The following UBE3C variants were observed in gnomAD, a reference collection of about 807,000 sequenced individuals.
The protein encoded by UBE3C is ubiquitin protein ligase E3C, also known as ubiquitin-protein ligase E3C.
UBE3C carries 42 observed loss-of-function variants against 129.4 expected under a neutral mutation model. The ratio of observed to expected loss-of-function variants is 0.32; its 90% CI spans 0.25 to 0.42. UBE3C has a LOEUF of 0.42. Ranked by LOEUF, UBE3C falls within the 10% of genes least tolerant of loss-of-function variation. The probability of loss-of-function intolerance (pLI) is 1.00; values close to 1 mark genes in which losing one functional copy is unlikely to be tolerated. For synonymous variants in UBE3C, 510 were observed against 492.4 expected, an observed-to-expected ratio of 1.04 and a Z score of -0.47; for missense variants, 1,049 against 1,319.1, an observed-to-expected ratio of 0.80 and a Z score of 3.17.
chr7:157,233,027 C>G (rs1796062655), intron 18 of UBE3C, among the ~76,000 whole-genome samples: 2 of 152,050 alleles, frequency 1.3e-5, no homozygotes, highest in Non-Finnish European at 2.9e-5. Context: ...AAAGGAAACG[C>G]TAGGTAGTCA....
chr7:157,236,984 A>T (rs1796169353), intron 18 of UBE3C, among the ~76,000 whole-genome samples: 1 of 152,086 alleles, frequency 6.6e-6, no homozygotes, highest in Non-Finnish European at 1.5e-5. Context: ...TGCCCATCTC[A>T]GCCTTCCAAA....
chr7:157,219,500 T>G (rs1040032397), intron 14 of UBE3C, among the ~76,000 whole-genome samples: 23 of 152,200 alleles, frequency 1.5e-4, no homozygotes, highest in African/African-American at 5.3e-4. Context: ...ACTACAAAAT[T>G]ACAGGAAACA....
At chr7:157,184,946 GT>G (rs1808767359) in intron 9 of UBE3C, among the ~76,000 whole-genome samples, 1 of 152,174 alleles carries the variant, frequency 6.6e-6, no homozygotes, top group African/African-American at 2.4e-5. Context: ...GAGTGAAGCC[GT>G]TTTTATAGTG....
intron 22 of UBE3C, among the ~76,000 whole-genome samples, chr7:157,261,306 G>GAAA (rs57114090): frequency 3.3e-4 from 26 of 78,020 alleles, no homozygotes; most frequent in Non-Finnish European, 5.8e-4. Flanking sequence ...AACTCTGTCT[G>GAAA]AAAAAAAAAA....
rs574645222 is a variant in UBE3C at position 157,207,766 on chromosome 7, G to A, written c.1640G>A (p.Arg547Gln). 3.7e-6 allele frequency: 6 copies of A among 1,614,082 alleles called. No individual in the cohort carries two copies. The highest frequency in any genetic ancestry group is 2.7e-5 in the African/African-American group (2 of 75,002). The change falls in exon 13 of 23, where the codon CGA (arginine) becomes CAA (glutamine). Residue 547 changes from arginine (R) to glutamine (Q), a missense_variant. By Grantham distance (43) the Arg-to-Gln change is conservative (BLOSUM62 1). This residue lies in a region of UBE3C where 314 missense variants were observed against 416.9 expected (regional missense o/e 0.75). Coordinates refer to ENST00000348165, the MANE Select transcript of UBE3C (RefSeq NM_014671.3). ...TTAGAAGAGCTGATAATGTTGTCTC[G>A]ATGCCTTCGAGATGCATGCCTGGGG... ...FTLEELIMLS[R>Q]CLRDACLGII...
chr7:157,150,907 G>A (rs1807739238), intron 1 of UBE3C, among the ~76,000 whole-genome samples: 1 of 152,212 alleles, frequency 6.6e-6, no homozygotes, highest in Admixed American at 6.5e-5. Flanking sequence ...ATCTACTTCT[G>A]CGCTGGCCTG....
intron 5 of UBE3C, among the ~76,000 whole-genome samples, chr7:157,177,598 A>C (rs1336418812): frequency 6.6e-6 from 1 of 152,120 alleles, no homozygotes; most frequent in East Asian, 1.9e-4. Context: ...CTCCTCCTGC[A>C]CTCGTACACC....
intron 10 of UBE3C, among the ~76,000 whole-genome samples, chr7:157,200,845 G>A (rs1367807688): frequency 6.6e-6 from 1 of 152,004 alleles, no homozygotes; most frequent in Non-Finnish European, 1.5e-5. Context: ...CAAACTCCTA[G>A]GCTGAAGCAA....
chr7:157,220,570 CAG>C lies in UBE3C; in HGVS notation c.1915-112_1915-111del, dbSNP rs577842239. On this transcript the variant is annotated intron_variant, in intron 14 of 22. Coordinates refer to ENST00000348165, the MANE Select transcript of UBE3C (RefSeq NM_014671.3). Reference sequence around the variant, plus strand: ...AAAAGGGGACATGAAGGTATGAGGTCAGAGAGAGGGCCCAGCCCACGGTAGAG... The same window carrying C: ...AAAAGGGGACATGAAGGTATGAGGTCAGAGAGGGCCCAGCCCACGGTAGAG... The C allele has an allele frequency of 6.7e-4, 736 of 1,099,826 alleles. 7 individuals are homozygous for C. The African/African-American group carries it at 0.01, about 15-fold the overall frequency. The allele number at this position is 1,099,826 out of a possible 1,614,324, so 68.1% of individuals were successfully genotyped here.
At chr7:157,202,384 C>G (rs775729273) in intron 11 of UBE3C, among the ~76,000 whole-genome samples, 2 of 152,160 alleles carry the variant, frequency 1.3e-5, no homozygotes, top group Non-Finnish European at 2.9e-5. Context: ...CGGCCGGGCG[C>G]GGTGGCTCAC....
At chr7:157,173,173 A>G (rs1808424600) in intron 4 of UBE3C, among the ~76,000 whole-genome samples, 1 of 152,184 alleles carries the variant, frequency 6.6e-6, no homozygotes, top group Admixed American at 6.5e-5. Flanking sequence ...CAGGAGTTTG[A>G]GACCAGCCTG....
At chr7:157,249,896 C>T (rs1378619730) in intron 19 of UBE3C, among the ~76,000 whole-genome samples, 1 of 152,140 alleles carries the variant, frequency 6.6e-6, no homozygotes. Context: ...GTTCCAAAAT[C>T]CAAAACTTTC....
At chr7:157,264,229 T>A (rs1339636198) in intron 22 of UBE3C, among the ~76,000 whole-genome samples, 1 of 143,596 alleles carries the variant, frequency 7.0e-6, no homozygotes, top group Non-Finnish European at 1.5e-5. Flanking sequence ...GCCAACATGC[T>A]CGGCCTGTTA....
chr7:157,144,395 T>C (rs1807544305), intron 1 of UBE3C, among the ~76,000 whole-genome samples: 1 of 152,158 alleles, frequency 6.6e-6, no homozygotes, highest in Non-Finnish European at 1.5e-5. Flanking sequence ...GGAAATAGTT[T>C]TGTCTGTTTT....
intron 18 of UBE3C, 139 bp from the exon 19 acceptor site, chr7:157,248,229 C>G: frequency 1.3e-6 from 1 of 748,582 alleles, no homozygotes; most frequent in South Asian, 1.9e-5. Flanking sequence ...CACTGAATAT[C>G]AGCTTCCATC....
chr7:157,147,872 G>A (rs545775144), intron 1 of UBE3C, among the ~76,000 whole-genome samples: 5 of 152,262 alleles, frequency 3.3e-5, no homozygotes, highest in South Asian at 2.1e-4. Context: ...CCCGTCTTGC[G>A]TATCTGGAAT....
intron 17 of UBE3C, among the ~76,000 whole-genome samples, chr7:157,229,915 A>G (rs1434443889): frequency 9.8e-6 from 1 of 101,968 alleles, no homozygotes; most frequent in Non-Finnish European, 2.6e-5. Context: ...GCAATGTTTT[A>G]ATTTATTTAT....
chr7:157,184,108 G>GT, intron 9 of UBE3C, 79 bp downstream of exon 9: 1 of 1,557,480 alleles, frequency 6.4e-7, no homozygotes, highest in Non-Finnish European at 8.7e-7. Context: ...TCCACCCGTA[G>GT]TTTCAGTTAC....
At chr7:157,261,676 G>A (rs943664253) in intron 22 of UBE3C, among the ~76,000 whole-genome samples, 3 of 152,150 alleles carry the variant, frequency 2.0e-5, no homozygotes, top group Non-Finnish European at 4.4e-5. Flanking sequence ...AGCAAAGGCA[G>A]GCAGGCATAA....
Sources: allele counts gnomAD v4.1 joint callset (sites outside exome capture counted in the v4.1 genomes callset), GRCh38; gene constraint gnomAD v4.1.1; regional missense constraint gnomAD v4.1.1; transcripts MANE v1.5; gene names NCBI Gene and HGNC (gene_info 2026-07-23, HGNC 2026-07-21).